Variants in KTN1 observed in about 807,000 individuals in gnomAD.
KTN1 encodes kinectin.
In KTN1, 130 loss-of-function variants were observed where a neutral mutation model predicts 222.5. The observed-to-expected ratio is 0.58, with a 90% CI of 0.51 to 0.68. The LOEUF (loss-of-function observed/expected upper bound fraction) is 0.68, where lower values mean the gene tolerates loss of function less well. Among genes scored for constraint, KTN1 ranks in the 30% least tolerant of loss-of-function variants. The pLI is 0.00. For missense variants in KTN1, 1,508 were observed against 1,500.4 expected (o/e 1.01, Z -0.08); for synonymous variants, 512 against 496.3 (o/e 1.03, Z -0.42).
chr14:55,647,960 T>TATA (rs1313767490), intron 19 of KTN1, 65 bp from the exon 20 acceptor site: 3 of 486,904 alleles, frequency 6.2e-6, no homozygotes, highest in East Asian at 1.1e-4. Context: ...AAATAATAAT[T>TATA]ATAATAATAA....
At chr14:55,619,715 C>T (rs995944121) in intron 5 of KTN1, among the ~76,000 whole-genome samples, 89 of 152,082 alleles carry the variant, frequency 5.9e-4, no homozygotes, top group African/African-American at 2.1e-3. Context: ...GGGGAAATTG[C>T]CCCCATGATT....
At chr14:55,647,089 T>TGGCCGGGCGCGG in intron 19 of KTN1, 82 bp downstream of exon 19, 1 of 918,002 alleles carries the variant, frequency 1.1e-6, no homozygotes. Flanking sequence ...TAAAATTCTC[T>TGGCCGGGCGCGG]TTAAACTTTG....
chr14:55,639,845 G>T, intron 13 of KTN1, 68 bp from the exon 14 acceptor site: 1 of 996,150 alleles, frequency 1.0e-6, no homozygotes, highest in Non-Finnish European at 1.6e-6. Flanking sequence ...GCTTTTTAAG[G>T]CTTTAAATCC....
chr14:55,587,299 G>A (rs2033213650), intron 1 of KTN1, among the ~76,000 whole-genome samples: 3 of 152,102 alleles, frequency 2.0e-5, no homozygotes, highest in Admixed American at 6.5e-5. Context: ...AAGGGTTTTA[G>A]GTTTACTCTT....
At chr14:55,676,983 G>T (rs1302610623) in intron 41 of KTN1, among the ~76,000 whole-genome samples, 1 of 152,086 alleles carries the variant, frequency 6.6e-6, no homozygotes, top group Non-Finnish European at 1.5e-5. Context: ...TATAAACATG[G>T]AATTTAGCCT....
chr14:55,589,354 A>G (rs1202586055), intron 1 of KTN1, among the ~76,000 whole-genome samples: 5 of 152,096 alleles, frequency 3.3e-5, no homozygotes, highest in African/African-American at 1.2e-4. Flanking sequence ...GCTGGAGTGC[A>G]GTGGTACAAT....
intron 1 of KTN1, among the ~76,000 whole-genome samples, chr14:55,587,824 C>A (rs987971514): frequency 6.6e-6 from 1 of 152,152 alleles, no homozygotes; most frequent in African/African-American, 2.4e-5. Flanking sequence ...AGAATCATTT[C>A]TTAAATAGCT....
At chr14:55,665,586 T>C (rs554490595) in intron 33 of KTN1, among the ~76,000 whole-genome samples, 3 of 152,166 alleles carry the variant, frequency 2.0e-5, no homozygotes, top group Admixed American at 1.3e-4. Context: ...ACTTTTAGTA[T>C]TTTAACTAGA....
At chr14:55,591,581 C>CTTTTTTTTT (rs71131297) in intron 1 of KTN1, among the ~76,000 whole-genome samples, 10 of 87,676 alleles carry the variant, frequency 1.1e-4, no homozygotes, top group South Asian at 4.3e-4. Context: ...TTCTCTCTTT[C>CTTTTTTTTT]TTTTTTTTTT....
At chr14:55,620,474 G>A (rs542725186) in intron 5 of KTN1, among the ~76,000 whole-genome samples, 156 of 152,312 alleles carry the variant, frequency 1.0e-3, no homozygotes, top group Non-Finnish European at 1.6e-3. Flanking sequence ...CACCCCTGTG[G>A]CAAACTTCTG....
intron 5 of KTN1, among the ~76,000 whole-genome samples, chr14:55,622,816 A>C (rs1208542282): frequency 1.3e-5 from 2 of 152,218 alleles, no homozygotes; most frequent in Non-Finnish European, 2.9e-5. Context: ...ACTGCTTTAA[A>C]AACCCTTTGG....
chr14:55,582,960 A>G (rs1043245936), intron 1 of KTN1, among the ~76,000 whole-genome samples: 1 of 152,210 alleles, frequency 6.6e-6, no homozygotes, highest in Non-Finnish European at 1.5e-5. Flanking sequence ...CTCATGCTCA[A>G]AGAGAATTGC....
intron 5 of KTN1, among the ~76,000 whole-genome samples, chr14:55,626,962 G>A (rs1271431300): frequency 6.6e-6 from 1 of 152,024 alleles, no homozygotes; most frequent in Non-Finnish European, 1.5e-5. Context: ...AGTTGGGGAT[G>A]GCTGGTTTTA....
At chr14:55,651,529 A>G (rs1044698676) in intron 24 of KTN1, 3 of 374,532 alleles carry the variant, frequency 8.0e-6, no homozygotes, top group Non-Finnish European at 1.0e-5. Flanking sequence ...GTACTGTAGA[A>G]GTATGACTGG....
chr14:55,631,367 T>TATATCAAC (rs1555371466), intron 7 of KTN1, among the ~76,000 whole-genome samples: 9 of 146,682 alleles, frequency 6.1e-5, no homozygotes, highest in African/African-American at 2.2e-4. Flanking sequence ...TATATATATA[T>TATATCAAC]ATGTATTTTT....
At chr14:55,618,255 GT>G in intron 4 of KTN1, 121 bp downstream of exon 4, 1 of 714,418 alleles carries the variant, frequency 1.4e-6, no homozygotes, top group Non-Finnish European at 2.1e-6. Context: ...AATCCTTGTG[GT>G]AGAAGACTTA....
At chr14:55,591,662 C>G (rs552114399) in intron 1 of KTN1, among the ~76,000 whole-genome samples, 2 of 140,908 alleles carry the variant, frequency 1.4e-5, no homozygotes, top group East Asian at 2.3e-4. Flanking sequence ...GATCTCTGCT[C>G]ACTGCAACCT....
At chr14:55,593,825 C>A (rs1365314380) in intron 1 of KTN1, among the ~76,000 whole-genome samples, 5 of 151,870 alleles carry the variant, frequency 3.3e-5, no homozygotes, top group Non-Finnish European at 7.4e-5. Flanking sequence ...CCCCTCTCCT[C>A]CCCTCTCTTT....
chr14:55,650,452 T>C, intron 23 of KTN1, 34 bp downstream of exon 23: 2 of 1,556,822 alleles, frequency 1.3e-6, no homozygotes, highest in Non-Finnish European at 8.8e-7. Flanking sequence ...TTTTATGTTT[T>C]TGTTTATCAA....
Sources: gnomAD v4.1 joint callset for allele counts (sites outside exome capture counted in the v4.1 genomes callset) on GRCh38, gnomAD v4.1.1 for gene constraint, MANE v1.5 for transcripts, NCBI Gene and HGNC (gene_info 2026-07-23, HGNC 2026-07-21) for gene names.